Variants in MEAF6 observed in about 807,000 individuals in gnomAD.
MEAF6 encodes MYST/Esa1 associated factor 6.
MEAF6 carries 15 observed loss-of-function variants against 28.9 expected under a neutral mutation model. That is an observed-to-expected ratio of 0.52 (90% CI 0.35 to 0.80). The LOEUF (loss-of-function observed/expected upper bound fraction) is 0.80, where lower values mean the gene tolerates loss of function less well. Among genes scored for constraint, MEAF6 ranks in the 30% least tolerant of loss-of-function variants. MEAF6 has a pLI of 0.01. For synonymous variants in MEAF6, 97 were observed against 88.7 expected (o/e 1.09, Z -0.53); for missense variants, 178 against 237.5 (o/e 0.75, Z 1.65).
At chr1:37,503,517 A>G (rs1642381025) in intron 4 of MEAF6, among the ~76,000 whole-genome samples, 2 of 151,926 alleles carry the variant, frequency 1.3e-5, no homozygotes, top group South Asian at 4.2e-4. Flanking sequence ...TTAGCCAGAC[A>G]TGGTGGCACA....
chr1:37,490,403 G>A lies in MEAF6; in HGVS notation c.*3696C>T, dbSNP rs193004882. Among the ~76,000 whole-genome samples the A allele has an allele frequency of 1.4e-4, 22 of 152,164 alleles. No homozygotes were observed. The East Asian group carries it at 3.5e-3, about 24-fold the overall frequency. On this transcript the variant is annotated 3_prime_UTR_variant, in exon 7 of 7. Transcript: ENST00000296214. ...CCTTCTTTTCACTATCATTGTATCTGACACACACATCACCTTCCTAGGCAC... is the reference window on the plus strand; with the variant it reads ...CCTTCTTTTCACTATCATTGTATCTAACACACACATCACCTTCCTAGGCAC...
At position 37,501,978 on chromosome 1, in the gene MEAF6, G is replaced by C; in HGVS notation, c.359C>G (p.Thr120Arg). 1 of 1,605,046 alleles carries C rather than the reference G, an allele frequency of 6.2e-7. No individual in the cohort carries two copies. Among genetic ancestry groups the C allele is most frequent in the Non-Finnish European group, 8.5e-7 (1 of 1,173,816 alleles). Reference sequence around the variant, plus strand: ...GAAGTCTGGAGAAGTGTCACTTTCCGTCCCACTTCCTGGCTCCCCTGAAGG... The same window carrying C: ...GAAGTCTGGAGAAGTGTCACTTTCCCTCCCACTTCCTGGCTCCCCTGAAGG... ...LIEKREPGSG[T>R]ESDTSPDFHN... The change falls in exon 5 of 7, where the codon ACG (threonine) becomes AGG (arginine). Residue 120 changes from threonine to arginine, a missense_variant. This residue lies in a region of MEAF6 where 124 missense variants were observed against 200.5 expected (regional missense o/e 0.62). Coordinates refer to ENST00000296214, the MANE Select transcript of MEAF6 (RefSeq NM_001270875.3).
chr1:37,510,042 G>T (rs1642614557), intron 2 of MEAF6, among the ~76,000 whole-genome samples: 2 of 151,526 alleles, frequency 1.3e-5, no homozygotes, highest in Non-Finnish European at 2.9e-5. Context: ...CTCCTAAAAT[G>T]CTGGGATTAC....
chr1:37,513,541 G>A lies in MEAF6; in HGVS notation c.91-3C>T. ...CGCTCCAAATTTGCCAATGTTTCCT[G>A]AGAGATGAAAAACAAGGACATGAAT... On this transcript the variant is annotated splice_polypyrimidine_tract_variant and splice_region_variant and intron_variant, in intron 1 of 6. Coordinates refer to ENST00000296214, the MANE Select transcript of MEAF6 (RefSeq NM_001270875.3). The A allele has an allele frequency of 3.1e-6, 5 of 1,608,174 alleles. No homozygotes were observed. Among genetic ancestry groups the A allele is most frequent in the South Asian group, 1.1e-5 (1 of 90,984 alleles).
chr1:37,494,039 T>C lies in MEAF6; in HGVS notation c.*60A>G. 6 of 1,600,606 alleles carry C rather than the reference T, an allele frequency of 3.7e-6. No individual in the cohort carries two copies. The highest frequency in any genetic ancestry group is 1.1e-5 in the South Asian group (1 of 88,572). On this transcript the variant is annotated 3_prime_UTR_variant, in exon 7 of 7. Coordinates refer to ENST00000296214, the MANE Select transcript of MEAF6 (RefSeq NM_001270875.3). ...CTCAGGTGAAGGATGTTTATCTTTG[T>C]GAGGTCAGAGAAGGGAAGCAGGGCT...
intron 5 of MEAF6, chr1:37,496,844 T>C: frequency 8.5e-7 from 1 of 1,178,202 alleles, no homozygotes; most frequent in Non-Finnish European, 1.1e-6. Context: ...AAATCAGCTT[T>C]AAGAATCTTA....
chr1:37,513,072 C>G (rs1191577096), intron 2 of MEAF6, among the ~76,000 whole-genome samples: 1 of 152,152 alleles, frequency 6.6e-6, no homozygotes, highest in South Asian at 2.1e-4. Context: ...CACCTGTAAT[C>G]CCAGCTACTC....
At chr1:37,502,566 TG>T (rs59248131) in intron 4 of MEAF6, among the ~76,000 whole-genome samples, 57,131 of 145,370 alleles carry the variant, frequency 0.39, 12,017 homozygotes, top group East Asian at 0.55. Context: ...GTTTTTTTTT[TG>T]TTTGTTTGTT....
chr1:37,496,368 T>C (rs1230869192), intron 5 of MEAF6, among the ~76,000 whole-genome samples: 2 of 152,234 alleles, frequency 1.3e-5, no homozygotes, highest in Non-Finnish European at 2.9e-5. Flanking sequence ...TTAATTTCAA[T>C]TTTTAAATCT....
chr1:37,508,902 G>A (rs989200559), intron 4 of MEAF6, among the ~76,000 whole-genome samples: 1 of 152,202 alleles, frequency 6.6e-6, no homozygotes, highest in Admixed American at 6.5e-5. Flanking sequence ...TTATGGACTA[G>A]CCTGGGCAAC....
At position 37,492,047 on chromosome 1, in the gene MEAF6, G is replaced by T. The variant is rs75481897; in HGVS notation, c.*2052C>A. ...AGAGTCAAAAATATTTTTTTTTTTT[G>T]AGATGGAGTCTCGCTCTGTCGCCCA... is the stretch of plus-strand genomic sequence containing the variant. On this transcript the variant is annotated 3_prime_UTR_variant, in exon 7 of 7. Transcript: ENST00000296214. 5.7e-5 allele frequency among the ~76,000 whole-genome samples: 7 copies of T among 123,130 alleles called. No individual in the cohort carries two copies. The highest frequency in any genetic ancestry group is 5.5e-4 in the East Asian group (2 of 3,656). The allele number at this position is 123,130 out of a possible 152,430, so 80.8% of individuals were successfully genotyped here.
At chr1:37,511,316 CAG>C (rs1642663222) in intron 2 of MEAF6, among the ~76,000 whole-genome samples, 1 of 152,012 alleles carries the variant, frequency 6.6e-6, no homozygotes, top group African/African-American at 2.4e-5. Context: ...ATGAAAGAAA[CAG>C]AAGTCAAAAA....
At chr1:37,509,163 G>A (rs2148084847) in intron 4 of MEAF6, 115 bp downstream of exon 4, 1 of 972,564 alleles carries the variant, frequency 1.0e-6, no homozygotes, top group Non-Finnish European at 1.6e-6. Flanking sequence ...GAAGAAGAGG[G>A]AAAAGGGAAG....
chr1:37,509,682 A>C (rs1355046543), intron 2 of MEAF6, 140 bp from the exon 3 acceptor site: 1 of 622,770 alleles, frequency 1.6e-6, no homozygotes, highest in Non-Finnish European at 2.8e-6. Context: ...TGAACACAGA[A>C]AGCAACGTTT....
intron 4 of MEAF6, among the ~76,000 whole-genome samples, chr1:37,507,450 A>AT (rs1429449946): frequency 2.0e-5 from 3 of 150,478 alleles, no homozygotes; most frequent in African/African-American, 7.3e-5. Context: ...AAGAAGTAAG[A>AT]TTTAAAAAAA....
intron 2 of MEAF6, 85 bp downstream of exon 2, chr1:37,513,338 A>G: frequency 2.0e-6 from 2 of 982,274 alleles, no homozygotes; most frequent in Non-Finnish European, 3.2e-6. Flanking sequence ...TACTGCCTCC[A>G]GCAAAGTTGC....
intron 6 of MEAF6, 158 bp downstream of exon 6, chr1:37,495,727 A>AAACC (rs1642111504): frequency 1.7e-6 from 1 of 581,628 alleles, no homozygotes; most frequent in Non-Finnish European, 3.0e-6. Flanking sequence ...AAACAAAAAA[A>AAACC]CCACCTAAAA....
At chr1:37,513,562 T>A (rs912325984) in intron 1 of MEAF6, 24 bp from the exon 2 acceptor site, 61 of 1,532,958 alleles carry the variant, frequency 4.0e-5, no homozygotes, top group Non-Finnish European at 5.2e-5. Context: ...AACAAGGACA[T>A]GAATGATACC....
chr1:37,500,695 G>A (rs1311172999), intron 5 of MEAF6, among the ~76,000 whole-genome samples: 4 of 152,090 alleles, frequency 2.6e-5, no homozygotes. Context: ...TTCAAATCAG[G>A]TAGAGTTAAT....
Sources: allele counts gnomAD v4.1 joint callset (sites outside exome capture counted in the v4.1 genomes callset), GRCh38; gene constraint gnomAD v4.1.1; regional missense constraint gnomAD v4.1.1; transcripts MANE v1.5; gene names NCBI Gene and HGNC (gene_info 2026-07-23, HGNC 2026-07-21).